The following WDTC1 variants were observed in gnomAD, a reference collection of about 807,000 sequenced individuals.
The protein encoded by WDTC1 is WD and tetratricopeptide repeats protein 1.
Under a neutral mutation model 76.0 loss-of-function variants are expected in WDTC1, and 12 were observed. The observed-to-expected ratio is 0.16, with a 90% CI of 0.10 to 0.26. WDTC1 has a LOEUF of 0.26. Among genes scored for constraint, WDTC1 ranks in the 10% least tolerant of loss-of-function variants. WDTC1 has a pLI of 1.00. For synonymous variants in WDTC1, 326 were observed against 350.8 expected, an observed-to-expected ratio of 0.93 and a Z score of 0.79; for missense variants, 511 against 908.8, an observed-to-expected ratio of 0.56 and a Z score of 5.63.
intron 1 of WDTC1, among the ~76,000 whole-genome samples, chr1:27,249,664 A>G (rs559728700): frequency 1.3e-5 from 2 of 152,070 alleles, no homozygotes; most frequent in South Asian, 4.2e-4. Context: ...CTGTAACTTC[A>G]AACTCCTGGG....
intron 10 of WDTC1, among the ~76,000 whole-genome samples, 163 bp downstream of exon 10, chr1:27,296,564 G>C (rs1350680910): frequency 6.6e-6 from 1 of 152,192 alleles, no homozygotes; most frequent in Non-Finnish European, 1.5e-5. Flanking sequence ...GATGACAATA[G>C]AGCAGAGATC....
At position 27,301,130 on chromosome 1, in the gene WDTC1, G is replaced by T; in HGVS notation, c.1233-96G>T. The T allele has an allele frequency of 9.5e-7, 1 of 1,054,280 alleles. No homozygotes were observed. 65.3% of individuals were successfully genotyped at this position (1,054,280 alleles called of 1,614,324 possible). On this transcript the variant is annotated intron_variant, in intron 12 of 15. Coordinates refer to ENST00000319394, the MANE Select transcript of WDTC1 (RefSeq NM_001276252.2). This position sits in a 1 kb window ranked among gnomAD's most constrained non-coding sequence, Gnocchi z 5.8. Reference sequence around the variant, plus strand: ...CCTTGCCATGAGATCTGTCAGTGGTGGGCTGGGGTGGCCACAGGAAGCAGA... The same window carrying T: ...CCTTGCCATGAGATCTGTCAGTGGTTGGCTGGGGTGGCCACAGGAAGCAGA...
intron 12 of WDTC1, among the ~76,000 whole-genome samples, chr1:27,300,598 C>A (rs2013806396): frequency 6.6e-6 from 1 of 152,146 alleles, no homozygotes; most frequent in South Asian, 2.1e-4. Flanking sequence ...CACAACCCCC[C>A]TTACCATCAG....
intron 3 of WDTC1, among the ~76,000 whole-genome samples, chr1:27,281,117 AC>A (rs1355164045): frequency 6.6e-6 from 1 of 151,854 alleles, no homozygotes; most frequent in Non-Finnish European, 1.5e-5. Flanking sequence ...ATACTCCTGT[AC>A]CCCCAGCATC....
chr1:27,263,814 G>A lies in WDTC1; in HGVS notation c.132+579G>A, dbSNP rs1026894840. Among the ~76,000 whole-genome samples the A allele has an allele frequency of 2.6e-5, 4 of 152,076 alleles. No individual in the cohort carries two copies. The East Asian group carries it at 7.7e-4, about 29-fold the overall frequency. ...TATTTTTACTATTGGCTTGGGCAGT[G>A]AATACAGATTTCCTACCCGTATACA... On this transcript the variant is annotated intron_variant, in intron 3 of 15. Coordinates refer to ENST00000319394, the MANE Select transcript of WDTC1 (RefSeq NM_001276252.2).
intron 1 of WDTC1, among the ~76,000 whole-genome samples, chr1:27,259,323 CT>C (rs57081638): frequency 0.01 from 1,112 of 106,320 alleles, 7 homozygotes; most frequent in African/African-American, 0.034. Context: ...CCATGCCCAA[CT>C]TTTTTTTTTT....
intron 10 of WDTC1, among the ~76,000 whole-genome samples, chr1:27,296,789 TAGCCCC>T (rs1204663142): frequency 4.1e-5 from 1 of 24,308 alleles, no homozygotes; most frequent in Admixed American, 5.4e-4. Context: ...GCCCCAACCC[TAGCCCC>T]AGCCCCAGCC....
chr1:27,271,865 G>A (rs947977504), intron 3 of WDTC1, among the ~76,000 whole-genome samples: 27 of 149,766 alleles, frequency 1.8e-4, no homozygotes, highest in African/African-American at 4.1e-4. Context: ...TCGAACTCCC[G>A]GCCTCAGGTG....
rs751550984 is a variant in WDTC1 at position 27,294,122 on chromosome 1, G to A, written c.757+6G>A. 26 of 1,612,794 alleles carry A rather than the reference G, an allele frequency of 1.6e-5. No homozygotes were observed. The highest frequency in any genetic ancestry group is 2.0e-5 in the Non-Finnish European group (23 of 1,179,432). On this transcript the variant is annotated splice_donor_region_variant and intron_variant, in intron 8 of 15. Coordinates refer to ENST00000319394, the MANE Select transcript of WDTC1 (RefSeq NM_001276252.2). The stretch of plus-strand genomic sequence containing the variant: ...AGCCCAGTATTACGTAGCAGGTAGC[G>A]CTCAGCACAGCTCTGGCCCCAAACT...
At chr1:27,238,146 A>T (rs1026264200) in intron 1 of WDTC1, among the ~76,000 whole-genome samples, 1 of 152,230 alleles carries the variant, frequency 6.6e-6, no homozygotes, top group African/African-American at 2.4e-5. Flanking sequence ...CACAGCAAGT[A>T]AGAGGAAGGA....
At position 27,303,408 on chromosome 1, in the gene WDTC1, C is replaced by T. The variant is rs1168209573; in HGVS notation, c.1469-213C>T. On this transcript the variant is annotated intron_variant, in intron 13 of 15. Transcript: ENST00000319394. This position sits in a 1 kb window ranked among gnomAD's most constrained non-coding sequence, Gnocchi z 4.8. ...ATTTAGGGACCTGAACCAGGGCCCT[C>T]CTGGCATCAAAGGTCTCCTCTTGAA... Among the ~76,000 whole-genome samples the T allele has an allele frequency of 6.6e-6, 1 of 152,226 alleles. No individual in the cohort carries two copies. Among genetic ancestry groups the T allele is most frequent in the Non-Finnish European group, 1.5e-5 (1 of 68,040 alleles).
At chr1:27,284,242 T>C (rs2013268417) in intron 5 of WDTC1, among the ~76,000 whole-genome samples, 1 of 151,370 alleles carries the variant, frequency 6.6e-6, no homozygotes, top group Admixed American at 6.6e-5. Flanking sequence ...GATGAGTAAA[T>C]GTCCTATCCC....
chr1:27,258,295 G>T (rs2012350852), intron 1 of WDTC1, among the ~76,000 whole-genome samples: 1 of 151,602 alleles, frequency 6.6e-6, no homozygotes, highest in Non-Finnish European at 1.5e-5. Context: ...CACTTTGGGA[G>T]ACTGAGGCGG....
chr1:27,247,279 A>G (rs2011874547), intron 1 of WDTC1, among the ~76,000 whole-genome samples: 1 of 151,802 alleles, frequency 6.6e-6, no homozygotes, highest in Admixed American at 6.6e-5. Context: ...CTGGTCTTGA[A>G]CTTCTGACCT....
intron 2 of WDTC1, among the ~76,000 whole-genome samples, chr1:27,262,410 T>TG (rs1253031225): frequency 6.6e-6 from 1 of 150,872 alleles, no homozygotes; most frequent in Non-Finnish European, 1.5e-5. Context: ...TTTTTTGAGA[T>TG]GGAGTTTTGC....
At chr1:27,238,786 A>T (rs2011547091) in intron 1 of WDTC1, among the ~76,000 whole-genome samples, 1 of 152,058 alleles carries the variant, frequency 6.6e-6, no homozygotes, top group African/African-American at 2.4e-5. Flanking sequence ...ACTGGTCTTG[A>T]ACTCCTGACC....
In WDTC1 at chr1:27,304,991, C is replaced by T. The variant is rs764211897; in HGVS notation, c.1644-10C>T. 6 of 1,607,992 alleles carry T rather than the reference C, an allele frequency of 3.7e-6. No individual in the cohort carries two copies. The highest frequency in any genetic ancestry group is 5.1e-6 in the Non-Finnish European group (6 of 1,175,712). ...CCACCTGACCTCCCTGCCCTTTGCC[C>T]CCCCGCCAGCAACGCTCAGTATATC... On this transcript the variant is annotated splice_polypyrimidine_tract_variant and intron_variant, in intron 14 of 15. Transcript: ENST00000319394.
At chr1:27,235,394 C>CTGTGTGTGTGTG (rs139665541) in intron 1 of WDTC1, among the ~76,000 whole-genome samples, 3 of 141,116 alleles carry the variant, frequency 2.1e-5, no homozygotes, top group East Asian at 2.1e-4. Context: ...CTCTCTCTTT[C>CTGTGTGTGTGTG]TGTGTGTGTG....
At chr1:27,241,875 G>T (rs963025015) in intron 1 of WDTC1, among the ~76,000 whole-genome samples, 1 of 151,604 alleles carries the variant, frequency 6.6e-6, no homozygotes, top group Admixed American at 6.6e-5. Flanking sequence ...GTGGCTGGGT[G>T]TGATGTCTCA....
Sources: gnomAD v4.1 joint callset for allele counts (sites outside exome capture counted in the v4.1 genomes callset) on GRCh38, gnomAD v4.1.1 for gene constraint, Gnocchi (gnomAD v3.1) non-coding constraint, MANE v1.5 for transcripts, NCBI Gene and HGNC (gene_info 2026-07-23, HGNC 2026-07-21) for gene names.